The following MYO3A variants were observed in gnomAD, a reference collection of about 807,000 sequenced individuals.
MYO3A encodes the protein myosin IIIA.
In MYO3A, 180 loss-of-function variants were observed where a neutral mutation model predicts 192.7. That is an observed-to-expected ratio of 0.93 (90% CI 0.83 to 1.06). MYO3A has a LOEUF of 1.06. MYO3A is among the 50% of genes least tolerant of loss of function. The probability of loss-of-function intolerance (pLI) is 0.00; values close to 1 mark genes in which losing one functional copy is unlikely to be tolerated. For synonymous variants in MYO3A, 628 were observed against 645.3 expected (o/e 0.97, Z 0.41); for missense variants, 1,896 against 1,905.0 (o/e 1.00, Z 0.09).
chr10:25,967,845 G>A (rs1838358335), intron 4 of MYO3A, among the ~76,000 whole-genome samples: 1 of 152,090 alleles, frequency 6.6e-6, no homozygotes, highest in Non-Finnish European at 1.5e-5. Context: ...TAGGCATATG[G>A]GAGAAAAGAT....
chr10:25,951,984 G>T, intron 2 of MYO3A, 110 bp from the exon 3 acceptor site: 1 of 788,888 alleles, frequency 1.3e-6, no homozygotes. Context: ...GGTTGCTGTT[G>T]AATATTTTCT....
intron 20 of MYO3A, among the ~76,000 whole-genome samples, chr10:26,131,525 G>C (rs984658710): frequency 6.6e-6 from 1 of 152,062 alleles, no homozygotes; most frequent in Non-Finnish European, 1.5e-5. Flanking sequence ...CTTATAGCCT[G>C]CTTTCCCATG....
At chr10:26,101,756 C>T (rs1319578934) in intron 17 of MYO3A, among the ~76,000 whole-genome samples, 4 of 152,150 alleles carry the variant, frequency 2.6e-5, no homozygotes, top group Non-Finnish European at 2.9e-5. Flanking sequence ...GAGTTTCTGC[C>T]AGGAGATCCG....
In MYO3A at chr10:26,154,745, G is replaced by T; in HGVS notation, c.2716-1G>T. 1 of 1,613,384 alleles carries T rather than the reference G, an allele frequency of 6.2e-7. No individual in the cohort carries two copies. Among genetic ancestry groups the T allele is most frequent in the South Asian group, 1.1e-5 (1 of 91,012 alleles). ...ATCACTGTCTTCCTTGGTCTCCTTA[G>T]GGCGACACTGGAGAAGCCACACGTC... On this transcript the variant is annotated splice_acceptor_variant, in intron 24 of 34. Coordinates refer to ENST00000642920, the MANE Select transcript of MYO3A (RefSeq NM_017433.5). LOFTEE classifies it high-confidence loss of function.
At chr10:26,066,928 T>G (rs374588688) in intron 10 of MYO3A, 47 bp from the exon 11 acceptor site, 1 of 1,368,254 alleles carries the variant, frequency 7.3e-7, no homozygotes, top group African/African-American at 1.4e-5. Context: ...TTTTTTCCAC[T>G]ATGAGCAGTA....
intron 10 of MYO3A, among the ~76,000 whole-genome samples, chr10:26,054,455 A>G (rs1333761184): frequency 6.6e-6 from 1 of 152,126 alleles, no homozygotes; most frequent in Non-Finnish European, 1.5e-5. Context: ...CTTCCTGCCA[A>G]TATTTCTGTA....
At position 26,118,334 on chromosome 10, in the gene MYO3A, CAG is replaced by C. The variant is rs560240033; in HGVS notation, c.1777-2339_1777-2338del. The stretch of plus-strand genomic sequence containing the variant: ...CATATTACAAATGCTAATTCCTTAT[CAG>C]AGTTTCCTTAGAAAAATGATCTACA... On this transcript the variant is annotated intron_variant, in intron 17 of 34. Transcript: ENST00000642920. Among the ~76,000 whole-genome samples the C allele has an allele frequency of 1.6e-4, 25 of 152,272 alleles. No homozygotes were observed. The South Asian group carries it at 5.2e-3, about 32-fold the overall frequency.
In MYO3A at chr10:25,999,201, A is replaced by G. The variant is rs569703626; in HGVS notation, c.508+1943A>G. ...GCGTGAGCCACCGTGCCTGGCCTTT[A>G]TATGATATCTTTTTAAAACATCATA... On this transcript the variant is annotated intron_variant, in intron 6 of 34. Coordinates refer to ENST00000642920, the MANE Select transcript of MYO3A (RefSeq NM_017433.5). Among the ~76,000 whole-genome samples, 8 of 152,274 alleles carry G rather than the reference A, an allele frequency of 5.3e-5. No individual in the cohort carries two copies. In the East Asian group the frequency reaches 1.4e-3, roughly 26 times the overall value.
intron 15 of MYO3A, 64 bp from the exon 16 acceptor site, chr10:26,096,317 G>A: frequency 8.5e-7 from 1 of 1,177,094 alleles, no homozygotes; most frequent in South Asian, 1.3e-5. Flanking sequence ...TAATTATATT[G>A]TCAAGTAACT....
At chr10:25,946,148 T>C (rs892153393) in intron 2 of MYO3A, among the ~76,000 whole-genome samples, 15 of 152,192 alleles carry the variant, frequency 9.9e-5, no homozygotes, top group African/African-American at 3.4e-4. Context: ...TACTACTGGG[T>C]TTGATAATTT....
rs771896204 is a variant in MYO3A at position 26,212,104 on chromosome 10, G to C, written c.*141G>C. The stretch of plus-strand genomic sequence containing the variant: ...CCGCAGAGGCTGCCTGCTGCGCTCG[G>C]CCCTCAAGTGCCCGGGCCGGCCTTC... On this transcript the variant is annotated 3_prime_UTR_variant, in exon 35 of 35. Transcript: ENST00000642920. 8.0e-6 allele frequency: 10 copies of C among 1,251,322 alleles called. No homozygotes were observed. The highest frequency in any genetic ancestry group is 8.6e-6 in the Non-Finnish European group (8 of 932,656). 77.5% of individuals were successfully genotyped at this position (1,251,322 alleles called of 1,614,324 possible).
At position 26,212,035 on chromosome 10, in the gene MYO3A, T is replaced by C. The variant is rs1050713121; in HGVS notation, c.*72T>C. On this transcript the variant is annotated 3_prime_UTR_variant, in exon 35 of 35. Coordinates refer to ENST00000642920, the MANE Select transcript of MYO3A (RefSeq NM_017433.5). ...GGGGCAGCAGGGGCCAAGCAGGCAC[T>C]CTGGGGCTGGCACCAGCAGGCACTG... 4 of 1,560,444 alleles carry C rather than the reference T, an allele frequency of 2.6e-6. No individual in the cohort carries two copies. The African/African-American group carries it at 5.5e-5, about 21-fold the overall frequency.
chr10:26,108,542 G>A (rs1588970080), intron 17 of MYO3A, among the ~76,000 whole-genome samples: 1 of 152,306 alleles, frequency 6.6e-6, no homozygotes, highest in Non-Finnish European at 1.5e-5. Context: ...TAATGATTTT[G>A]TAGTCTGTTT....
chr10:26,128,399 G>C lies in MYO3A; in HGVS notation c.2123G>C (p.Gly708Ala), dbSNP rs758152951. 6.2e-7 allele frequency: 1 copy of C among 1,612,894 alleles called. No homozygotes were observed. Among genetic ancestry groups the C allele is most frequent in the Non-Finnish European group, 8.5e-7 (1 of 1,179,246 alleles). The change falls in exon 20 of 35, where the codon GGT (glycine) becomes GCT (alanine). Residue 708 changes from glycine (G) to alanine (A), a missense_variant. By Grantham distance (60) the Gly-to-Ala change is moderately conservative. Transcript: ENST00000642920. ...LKHDSSPSGN[G>A]DELSIGILDI... ...CTCTTCAATTCTTCTAGTGGGAATG[G>C]TGATGAGCTGAGCATTGGCATTCTT... is the stretch of plus-strand genomic sequence containing the variant.
chr10:26,175,549 G>T (rs887453533), intron 30 of MYO3A, among the ~76,000 whole-genome samples: 20 of 152,142 alleles, frequency 1.3e-4, no homozygotes, highest in African/African-American at 4.8e-4. Context: ...CAGTGGCTGA[G>T]CCTATGAGAA....
intron 23 of MYO3A, among the ~76,000 whole-genome samples, chr10:26,151,603 G>GT (rs1231386190): frequency 1.3e-5 from 2 of 151,758 alleles, no homozygotes; most frequent in East Asian, 1.9e-4. Flanking sequence ...TTGCGTCTTG[G>GT]TTTTTTTTAA....
chr10:26,164,897 C>T (rs763275003), intron 26 of MYO3A, among the ~76,000 whole-genome samples: 16 of 152,076 alleles, frequency 1.1e-4, no homozygotes, highest in Non-Finnish European at 1.5e-4. Flanking sequence ...GCAGAGTCGC[C>T]GCTACTGGGT....
At chr10:26,131,731 A>T (rs1458884167) in intron 20 of MYO3A, among the ~76,000 whole-genome samples, 1 of 152,296 alleles carries the variant, frequency 6.6e-6, no homozygotes, top group African/African-American at 2.4e-5. Context: ...TGAAGCTTTT[A>T]CAGTTTCCCG....
intron 27 of MYO3A, 115 bp downstream of exon 27, chr10:26,166,293 TTACAA>T (rs1203916703): frequency 1.1e-6 from 1 of 922,258 alleles, no homozygotes; most frequent in Non-Finnish European, 1.7e-6. Flanking sequence ...AATCTATAAC[TTACAA>T]TAGAGGAAGT....
Sources: gnomAD v4.1 joint callset for allele counts (sites outside exome capture counted in the v4.1 genomes callset) on GRCh38, gnomAD v4.1.1 for gene constraint, MANE v1.5 for transcripts, NCBI Gene and HGNC (gene_info 2026-07-23, HGNC 2026-07-21) for gene names.